ADAMTS16: variants seen among roughly 807,000 people sequenced by gnomAD.
ADAMTS16 encodes the protein ADAM metallopeptidase with thrombospondin type 1 motif 16.
Under a neutral mutation model 145.8 loss-of-function variants are expected in ADAMTS16, and 94 were observed. The observed-to-expected ratio is 0.64, with a 90% confidence interval of 0.55 to 0.77. ADAMTS16 has a LOEUF of 0.77. Ranked by LOEUF, ADAMTS16 falls within the 30% of genes least tolerant of loss-of-function variation. The pLI is 0.00. For missense variants in ADAMTS16, 1,585 were observed against 1,591.5 expected (o/e 1.00, Z 0.07); for synonymous variants, 659 against 604.3 (o/e 1.09, Z -1.33).
intron 17 of ADAMTS16, among the ~76,000 whole-genome samples, chr5:5,257,082 A>ATT (rs1278290482): frequency 6.6e-6 from 1 of 152,180 alleles, no homozygotes; most frequent in Non-Finnish European, 1.5e-5. Flanking sequence ...TTCTAATTTA[A>ATT]TAGTCTCTCA....
chr5:5,318,496 C>T (rs1231891416), intron 22 of ADAMTS16, among the ~76,000 whole-genome samples: 5 of 152,138 alleles, frequency 3.3e-5, no homozygotes, highest in African/African-American at 7.2e-5. Context: ...GTGACATAAG[C>T]GTGACTTCTT....
chr5:5,254,134 T>G (rs1417179471), intron 17 of ADAMTS16, among the ~76,000 whole-genome samples: 1 of 152,182 alleles, frequency 6.6e-6, no homozygotes, highest in African/African-American at 2.4e-5. Flanking sequence ...TCTCTGGGCT[T>G]TTTACATTCA....
intron 3 of ADAMTS16, among the ~76,000 whole-genome samples, chr5:5,176,607 C>CA (rs894424611): frequency 8.6e-5 from 13 of 151,602 alleles, no homozygotes; most frequent in African/African-American, 2.7e-4. Flanking sequence ...TTTTAACGTA[C>CA]AAAAAAAATC....
chr5:5,141,826 G>A (rs1395359755), intron 2 of ADAMTS16, among the ~76,000 whole-genome samples: 1 of 152,104 alleles, frequency 6.6e-6, no homozygotes, highest in Non-Finnish European at 1.5e-5. Flanking sequence ...GTGTCAGATT[G>A]ACGCTCACCA....
chr5:5,145,554 G>A (rs1356161861), intron 2 of ADAMTS16, among the ~76,000 whole-genome samples: 1 of 152,216 alleles, frequency 6.6e-6, no homozygotes. Context: ...TATTACCACA[G>A]CATTGTGTTT....
chr5:5,165,562 A>G (rs571833124), intron 3 of ADAMTS16, among the ~76,000 whole-genome samples: 2 of 152,334 alleles, frequency 1.3e-5, no homozygotes, highest in East Asian at 3.9e-4. Context: ...CTTTCCTGGA[A>G]GCTGAACCCT....
intron 17 of ADAMTS16, among the ~76,000 whole-genome samples, chr5:5,259,143 A>C (rs559247986): frequency 6.6e-6 from 1 of 152,262 alleles, no homozygotes; most frequent in East Asian, 1.9e-4. Flanking sequence ...CTGGGACATC[A>C]CTTCCTTTCA....
chr5:5,267,546 T>C (rs10065496), intron 18 of ADAMTS16, among the ~76,000 whole-genome samples: 174 of 152,240 alleles, frequency 1.1e-3, no homozygotes, highest in African/African-American at 4.0e-3. Flanking sequence ...CAAACTCTGG[T>C]TGATGGCCTG....
intron 18 of ADAMTS16, among the ~76,000 whole-genome samples, chr5:5,273,384 G>A (rs1325742982): frequency 6.6e-6 from 1 of 152,218 alleles, no homozygotes; most frequent in Non-Finnish European, 1.5e-5. Context: ...CTTAGCTGAT[G>A]TGGTGGCACA....
At chr5:5,306,364 A>C in intron 20 of ADAMTS16, 140 bp from the exon 21 acceptor site, 2 of 759,664 alleles carry the variant, frequency 2.6e-6, no homozygotes, top group Non-Finnish European at 4.3e-6. Context: ...ATGTCTCTTA[A>C]AAATGCTAAG....
intron 3 of ADAMTS16, among the ~76,000 whole-genome samples, chr5:5,178,224 T>C (rs1254429282): frequency 2.6e-5 from 4 of 152,236 alleles, no homozygotes; most frequent in Middle Eastern, 3.2e-3. Flanking sequence ...GGTGAGTTTT[T>C]CTAATGTAAA....
At chr5:5,295,262 A>G (rs1436674355) in intron 18 of ADAMTS16, among the ~76,000 whole-genome samples, 2 of 152,206 alleles carry the variant, frequency 1.3e-5, no homozygotes, top group Non-Finnish European at 2.9e-5. Context: ...TGTTTCCTCA[A>G]TATTTTACTT....
chr5:5,165,815 A>G (rs998053369), intron 3 of ADAMTS16, among the ~76,000 whole-genome samples: 7 of 152,168 alleles, frequency 4.6e-5, no homozygotes, highest in Non-Finnish European at 8.8e-5. Context: ...GCAATGGCTT[A>G]TAGGTCCAGG....
rs747081755 is a variant in ADAMTS16 at position 5,262,676 on chromosome 5, G to C, written c.2682G>C (p.Glu894Asp). 9 of 1,613,918 alleles carry C rather than the reference G, an allele frequency of 5.6e-6. No individual in the cohort carries two copies. In the East Asian group the frequency reaches 1.8e-4, roughly 32 times the overall value. ...SCGGGQMTVR[E>D]GCYRDLKFQV... ...CTGCAGGACAGATGACCGTGAGAGA[G>C]GGCTGCTACAGAGACCTGAAGTTTC... Residue 894 changes from glutamate (E) to aspartate (D), a missense_variant, in exon 18 of 23, where the codon GAG becomes GAC. By Grantham distance (45) the Glu-to-Asp change is conservative. Transcript: ENST00000274181.
At chr5:5,299,757 A>T (rs6555353) in intron 18 of ADAMTS16, among the ~76,000 whole-genome samples, 10 of 151,932 alleles carry the variant, frequency 6.6e-5, no homozygotes, top group African/African-American at 9.7e-5. Flanking sequence ...AGAGTCCCGC[A>T]GTGGAAACTG....
chr5:5,185,248 A>G (rs1735465695), intron 4 of ADAMTS16, among the ~76,000 whole-genome samples: 1 of 152,252 alleles, frequency 6.6e-6, no homozygotes, highest in East Asian at 1.9e-4. Context: ...GCATCTGCTT[A>G]CAGTATGCTC....
rs1288995061 is a variant in ADAMTS16 at position 5,262,718 on chromosome 5, CT to C, written c.2725del (p.Cys909AlafsTer157). 1.2e-6 allele frequency: 2 copies of C among 1,614,118 alleles called. No individual in the cohort carries two copies. Among genetic ancestry groups the C allele is most frequent in the Non-Finnish European group, 1.7e-6 (2 of 1,180,058 alleles). Reference sequence around the variant, plus strand: ...TGAAGTTTCAAGTAAATATGTCCTTCTGCAATCCCAAGACACGACCTGTCAC... The same window carrying C: ...TGAAGTTTCAAGTAAATATGTCCTTCGCAATCCCAAGACACGACCTGTCAC... ...DLKFQVNMSF[C>X]NPKTRPVTGL... On this transcript the variant is annotated frameshift_variant, in exon 18 of 23. Transcript: ENST00000274181. LOFTEE classifies it high-confidence loss of function.
intron 18 of ADAMTS16, among the ~76,000 whole-genome samples, chr5:5,263,499 C>T (rs1277459272): frequency 6.6e-6 from 1 of 152,242 alleles, no homozygotes; most frequent in Non-Finnish European, 1.5e-5. Flanking sequence ...GCTGGACTCC[C>T]AGCAGGGGTG....
At chr5:5,204,938 T>C (rs549887426) in intron 9 of ADAMTS16, among the ~76,000 whole-genome samples, 15 of 152,320 alleles carry the variant, frequency 9.8e-5, no homozygotes, top group South Asian at 2.1e-4. Context: ...ACGTTGATAT[T>C]TTTCATTTTA....
Sources: allele counts gnomAD v4.1 joint callset (sites outside exome capture counted in the v4.1 genomes callset), GRCh38; gene constraint gnomAD v4.1.1; transcripts MANE v1.5; gene names NCBI Gene and HGNC (gene_info 2026-07-23, HGNC 2026-07-21).